RAB11FIP5: variants seen among roughly 807,000 people sequenced by gnomAD.
RAB11FIP5 encodes RAB11 family interacting protein 5, also known as rab11 family-interacting protein 5.
Under a neutral mutation model 85.1 loss-of-function variants are expected in RAB11FIP5, and 48 were observed. That is an observed-to-expected ratio of 0.56 (90% CI 0.45 to 0.72). The LOEUF is 0.72. Ranked by LOEUF, RAB11FIP5 falls within the 30% of genes least tolerant of loss-of-function variation. The pLI is 0.00. For synonymous variants in RAB11FIP5, 729 were observed against 727.3 expected (o/e 1.00, Z -0.04); for missense variants, 1,491 against 1,687.0 (o/e 0.88, Z 2.04).
chr2:73,111,513 C>T (rs1277262012), intron 1 of RAB11FIP5, among the ~76,000 whole-genome samples: 2 of 152,194 alleles, frequency 1.3e-5, no homozygotes, highest in Non-Finnish European at 2.9e-5. Flanking sequence ...AATGGGGCTC[C>T]AAGGCTGAAG....
rs554993073 is a variant in RAB11FIP5 at position 73,080,515 on chromosome 2, C to T, written c.2717G>A (p.Arg906His). 1.6e-5 allele frequency: 20 copies of T among 1,232,902 alleles called. No individual in the cohort carries two copies. The South Asian group carries it at 2.9e-4, about 18-fold the overall frequency. The allele number at this position is 1,232,902 out of a possible 1,614,324, so 76.4% of individuals were successfully genotyped here. The part of the protein sequence containing the change: ...QPSTPPPKPP[R>H]LFTPSRSQEE... ...CTGGGATCTTGAGGGTGTGAAGAGGCGCGGTGGCTTGGGAGGTGGGGTGCT... is the reference window on the plus strand; with the variant it reads ...CTGGGATCTTGAGGGTGTGAAGAGGTGCGGTGGCTTGGGAGGTGGGGTGCT... Residue 906 changes from arginine to histidine, a missense_variant, in exon 4 of 6, where the codon CGC (arginine) becomes CAC (histidine). Physicochemically the swap from Arg to His is conservative, Grantham distance 29. Transcript: ENST00000486777.
chr2:73,079,249 C>A (rs1016039630), intron 4 of RAB11FIP5, among the ~76,000 whole-genome samples: 2 of 152,048 alleles, frequency 1.3e-5, no homozygotes, highest in Non-Finnish European at 2.9e-5. Flanking sequence ...CAAGAACTAC[C>A]CCCTGATTGA....
chr2:73,112,326 G>A (rs750497302), intron 1 of RAB11FIP5, 21 bp downstream of exon 1: 4 of 1,550,898 alleles, frequency 2.6e-6, no homozygotes, highest in South Asian at 2.4e-5. Flanking sequence ...CCGTTTCTGT[G>A]CCCCCGCGCC....
chr2:73,100,587 A>T (rs1216324806), intron 1 of RAB11FIP5, among the ~76,000 whole-genome samples: 3 of 151,850 alleles, frequency 2.0e-5, no homozygotes, highest in Non-Finnish European at 4.4e-5. Context: ...TACCACACCC[A>T]GCTAATTTTT....
intron 3 of RAB11FIP5, among the ~76,000 whole-genome samples, chr2:73,085,580 T>C (rs1684077654): frequency 6.6e-6 from 1 of 152,108 alleles, no homozygotes; most frequent in African/African-American, 2.4e-5. Context: ...CAAGACAAGC[T>C]TGGTCTCAAC....
chr2:73,101,981 CG>C (rs1156667012), intron 1 of RAB11FIP5, among the ~76,000 whole-genome samples: 1 of 152,154 alleles, frequency 6.6e-6, no homozygotes, highest in Non-Finnish European at 1.5e-5. Flanking sequence ...ACATAGCTAA[CG>C]GAAGATGGTG....
At chr2:73,076,671 G>A (rs1263855851) in intron 4 of RAB11FIP5, among the ~76,000 whole-genome samples, 1 of 152,156 alleles carries the variant, frequency 6.6e-6, no homozygotes, top group Non-Finnish European at 1.5e-5. Context: ...TGGTCAACCA[G>A]CTCTCTCTAG....
At chr2:73,096,749 C>T (rs1210240116) in intron 1 of RAB11FIP5, among the ~76,000 whole-genome samples, 2 of 152,168 alleles carry the variant, frequency 1.3e-5, no homozygotes, top group African/African-American at 4.8e-5. Context: ...CCAGCAAAGA[C>T]GTGAAGTGGG....
rs1235039223 is a variant in RAB11FIP5 at position 73,088,160 on chromosome 2, C to T, written c.1458G>A (p.Lys486=). The change falls in exon 3 of 6, where the codon AAG becomes AAA. Residue 486 remains lysine, a synonymous_variant. Coordinates refer to ENST00000486777, the MANE Select transcript of RAB11FIP5 (RefSeq NM_001371272.1). The part of the protein sequence containing the change: ...ELGRRSSLGE[K]GGPILGASPH... ...GGGAGGCCCCCAGGATGGGACCCCC[C>T]TTTTCCCCCAGAGAGCTTCGGCGAC... 6.2e-7 allele frequency: 1 copy of T among 1,613,958 alleles called. No individual in the cohort carries two copies. The highest frequency in any genetic ancestry group is 1.3e-5 in the African/African-American group (1 of 74,932).
rs775901254 is a variant in RAB11FIP5, at chr2:73,089,397, C to T, written c.432-82G>A. On this transcript the variant is annotated intron_variant, in intron 1 of 5. Coordinates refer to ENST00000486777, the MANE Select transcript of RAB11FIP5 (RefSeq NM_001371272.1). This position sits in a 1 kb window ranked among gnomAD's most constrained non-coding sequence, Gnocchi z 4.6. ...CGCCCGGTACCAGGCACTGCCCAGA[C>T]CCCTCCTTGCTCTGAGAGCCACTGA... The T allele has an allele frequency of 2.1e-6, 3 of 1,420,026 alleles. No homozygotes were observed. Among genetic ancestry groups the T allele is most frequent in the South Asian group, 1.1e-5 (1 of 87,176 alleles). The allele number at this position is 1,420,026 out of a possible 1,614,324, so 88.0% of individuals were successfully genotyped here. A position where few individuals can be genotyped will look rare whatever the true frequency, so the allele number is the denominator to read the frequency against.
rs752073860 is a variant in RAB11FIP5, at chr2:73,075,988, C to CTT, written c.3771+3_3771+4dup. ...AGATGGCCCCCACACCCTGCTGGGCCTTACCTTCAGCCTTTTGGTGTCCAC... is the reference window on the plus strand; with the variant it reads ...AGATGGCCCCCACACCCTGCTGGGCCTTTTACCTTCAGCCTTTTGGTGTCCAC... On this transcript the variant is annotated splice_donor_region_variant and intron_variant, in intron 5 of 5. Coordinates refer to ENST00000486777, the MANE Select transcript of RAB11FIP5 (RefSeq NM_001371272.1). This position sits in a 1 kb window ranked among gnomAD's most constrained non-coding sequence, Gnocchi z 4.6. 1.9e-4 allele frequency: 305 copies of CTT among 1,610,360 alleles called. No homozygotes were observed. The highest frequency in any genetic ancestry group is 2.4e-4 in the Non-Finnish European group (286 of 1,177,346).
At position 73,078,861 on chromosome 2, in the gene RAB11FIP5, C is replaced by T. The variant is rs1377369730; in HGVS notation, c.3581+790G>A. 5.9e-5 allele frequency among the ~76,000 whole-genome samples: 9 copies of T among 152,294 alleles called. No homozygotes were observed. Among genetic ancestry groups the T allele is most frequent in the Admixed American group, 4.6e-4 (7 of 15,312 alleles). On this transcript the variant is annotated intron_variant, in intron 4 of 5. Coordinates refer to ENST00000486777, the MANE Select transcript of RAB11FIP5 (RefSeq NM_001371272.1). The surrounding 1 kb of genome is among the most constrained non-coding windows in gnomAD (Gnocchi z 4.4). ...CCCTGAGTCTCCAGGCCTCTGCCCA[C>T]ATCACCCCTGACCAGCCACCTGGTG... is the stretch of plus-strand genomic sequence containing the variant.
rs1683963015 is a variant in RAB11FIP5 at position 73,080,899 on chromosome 2, C to A, written c.2333G>T (p.Gly778Val). ...TGTCCCACTGTCTGCCGGACTCTGCCCTGCTTCCACTTCCGGGGCTGGCAG... is the reference window on the plus strand; with the variant it reads ...TGTCCCACTGTCTGCCGGACTCTGCACTGCTTCCACTTCCGGGGCTGGCAG... Reference protein sequence around the residue: ...RELPAPEVEAGQSPADSGTSL... With the variant: ...RELPAPEVEAVQSPADSGTSL... The change falls in exon 4 of 6, where the codon GGG becomes GTG. Residue 778 changes from glycine to valine, a missense_variant. Physicochemically the swap from Gly to Val is moderately radical, Grantham distance 109. Around this residue, in one of 3 missense-constraint regions of RAB11FIP5, gnomAD observed 1,211 missense variants for 1,338.0 expected, o/e 0.91. Coordinates refer to ENST00000486777, the MANE Select transcript of RAB11FIP5 (RefSeq NM_001371272.1). 1 of 1,232,498 alleles carries A rather than the reference C, an allele frequency of 8.1e-7. No homozygotes were observed. The highest frequency in any genetic ancestry group is 1.0e-6 in the Non-Finnish European group (1 of 988,364). The allele number at this position is 1,232,498 out of a possible 1,614,324, so 76.3% of individuals were successfully genotyped here. A position where few individuals can be genotyped will look rare whatever the true frequency, so the allele number is the denominator to read the frequency against.
chr2:73,074,594 T>C lies in RAB11FIP5; in HGVS notation c.*927A>G, dbSNP rs1181045920. ...GGGAGAGGTCGACATCCAGGGGCTC[T>C]TGACCCCGCCCACCAAAGGCACATT... is the stretch of plus-strand genomic sequence containing the variant. On this transcript the variant is annotated 3_prime_UTR_variant, in exon 6 of 6. Transcript: ENST00000486777. 1 of 155,644 alleles carries C rather than the reference T, an allele frequency of 6.4e-6. No homozygotes were observed. The highest frequency in any genetic ancestry group is 1.4e-5 in the Non-Finnish European group (1 of 69,958). 9.6% of individuals were successfully genotyped at this position (155,644 alleles called of 1,614,324 possible). A position where few individuals can be genotyped will look rare whatever the true frequency, so the allele number is the denominator to read the frequency against.
Position 73,074,455 on chromosome 2 carries a change from G to C in RAB11FIP5, c.*1066C>G, listed in dbSNP as rs1285174667. On this transcript the variant is annotated 3_prime_UTR_variant, in exon 6 of 6. Transcript: ENST00000486777. The stretch of plus-strand genomic sequence containing the variant: ...GAGCAGCAACTTGGCCAGACCAAGA[G>C]ATTAACTTTAGGGGAGGGGAACAGC... The C allele has an allele frequency of 6.5e-6, 1 of 152,688 alleles. No homozygotes were observed. The highest frequency in any genetic ancestry group is 2.4e-5 in the African/African-American group (1 of 41,470). 9.5% of individuals were successfully genotyped at this position (152,688 alleles called of 1,614,324 possible). A position where few individuals can be genotyped will look rare whatever the true frequency, so the allele number is the denominator to read the frequency against.
chr2:73,074,699 G>C lies in RAB11FIP5; in HGVS notation c.*822C>G, dbSNP rs1683815916. On this transcript the variant is annotated 3_prime_UTR_variant, in exon 6 of 6. Transcript: ENST00000486777. ...GACAGGCAACAAGAATAGACATGGAGGCTTGATCCCCAAATCATAAGCAGT... is the reference window on the plus strand; with the variant it reads ...GACAGGCAACAAGAATAGACATGGACGCTTGATCCCCAAATCATAAGCAGT... The C allele has an allele frequency of 6.2e-6, 1 of 160,750 alleles. No individual in the cohort carries two copies. Among genetic ancestry groups the C allele is most frequent in the South Asian group, 1.7e-4 (1 of 5,886 alleles). 10.0% of individuals were successfully genotyped at this position (160,750 alleles called of 1,614,324 possible).
At chr2:73,107,739 G>T (rs1464332596) in intron 1 of RAB11FIP5, among the ~76,000 whole-genome samples, 1 of 152,188 alleles carries the variant, frequency 6.6e-6, no homozygotes, top group Non-Finnish European at 1.5e-5. Flanking sequence ...ACTGGCTTCT[G>T]AGTGCAGCCA....
chr2:73,073,640 G>A lies in RAB11FIP5; in HGVS notation c.*1881C>T, dbSNP rs1308161263. 1 of 152,226 alleles carries A rather than the reference G, an allele frequency of 6.6e-6. No individual in the cohort carries two copies. The highest frequency in any genetic ancestry group is 1.5e-5 in the Non-Finnish European group (1 of 68,046). The allele number at this position is 152,226 out of a possible 1,614,324, so 9.4% of individuals were successfully genotyped here. On this transcript the variant is annotated 3_prime_UTR_variant, in exon 6 of 6. Transcript: ENST00000486777. ...CCCACAAAGGTCAGGGCCAGGGCTG[G>A]GAGTGAATAAAGCCCAGAGGAATCC...
chr2:73,088,301 G>A lies in RAB11FIP5; in HGVS notation c.1317C>T (p.Pro439=). Residue 439 remains proline, a synonymous_variant, in exon 3 of 6, where the codon CCC becomes CCT. Transcript: ENST00000486777. ...PEGKPVQVAT[P]IVASSEAVAE... ...CCACAGCCTCAGAGGAGGCCACTATGGGTGTGGCAACCTGGACTGGCTTGC... is the reference window on the plus strand; with the variant it reads ...CCACAGCCTCAGAGGAGGCCACTATAGGTGTGGCAACCTGGACTGGCTTGC... 6.2e-7 allele frequency: 1 copy of A among 1,613,896 alleles called. No homozygotes were observed. Among genetic ancestry groups the A allele is most frequent in the East Asian group, 2.2e-5 (1 of 44,866 alleles).
Sources: gnomAD v4.1 joint callset for allele counts (sites outside exome capture counted in the v4.1 genomes callset) on GRCh38, gnomAD v4.1.1 for gene constraint, gnomAD v4.1.1 regional missense constraint, Gnocchi (gnomAD v3.1) non-coding constraint, MANE v1.5 for transcripts, NCBI Gene and HGNC (gene_info 2026-07-23, HGNC 2026-07-21) for gene names.